ZPR1: variants seen among roughly 807,000 people sequenced by gnomAD.
ZPR1 encodes the protein ZPR1 zinc finger, also known as zinc finger protein ZPR1.
ZPR1 carries 37 observed loss-of-function variants against 59.6 expected under a neutral mutation model. That is an observed-to-expected ratio of 0.62 (90% CI 0.48 to 0.82). The LOEUF (loss-of-function observed/expected upper bound fraction) is 0.82, where lower values mean the gene tolerates loss of function less well. Ranked by LOEUF, ZPR1 falls within the 40% of genes least tolerant of loss-of-function variation. The probability of loss-of-function intolerance (pLI) is 0.00; values close to 1 mark genes in which losing one functional copy is unlikely to be tolerated. For missense variants in ZPR1, 527 were observed against 579.9 expected (o/e 0.91, Z 0.94); for synonymous variants, 191 against 215.2 (o/e 0.89, Z 0.99).
In ZPR1 at chr11:116,787,856, G is replaced by C; in HGVS notation, c.135C>G (p.Thr45=). 6.4e-7 allele frequency: 1 copy of C among 1,557,632 alleles called. No homozygotes were observed. ...ISAEDEEQQP[T]EIESLCMNCY... ...AGTTCATGCATAGCGACTCGATCTCGGTGGGCTGCTGCTCCTCGTCCTCGG... is the reference window on the plus strand; with the variant it reads ...AGTTCATGCATAGCGACTCGATCTCCGTGGGCTGCTGCTCCTCGTCCTCGG... The change falls in exon 1 of 14, where the codon ACC becomes ACG. Residue 45 remains threonine, a synonymous_variant. Transcript: ENST00000227322.
At chr11:116,783,396 G>A in intron 10 of ZPR1, 134 bp downstream of exon 10, 1 of 728,728 alleles carries the variant, frequency 1.4e-6, no homozygotes, top group Non-Finnish European at 2.4e-6. Flanking sequence ...CCTCTGCTCA[G>A]GGGTCCTCAA....
In ZPR1 at chr11:116,787,908, G is replaced by T. The variant is rs1381634811; in HGVS notation, c.83C>A (p.Pro28His). The part of the protein sequence containing the change: ...PSPAPAPPPA[P>H]DHLFRPISAE... The stretch of plus-strand genomic sequence containing the variant: ...GCTGATGGGCCGGAACAGGTGATCA[G>T]GGGCAGGCGGCGGGGCCGGGGCGGG... Residue 28 changes from proline (P) to histidine (H), a missense_variant, in exon 1 of 14, where the codon CCT (proline) becomes CAT (histidine). Transcript: ENST00000227322. 8 of 1,521,524 alleles carry T rather than the reference G, an allele frequency of 5.3e-6. No homozygotes were observed. Among genetic ancestry groups the T allele is most frequent in the Middle Eastern group, 4.7e-4 (2 of 4,286 alleles). 94.3% of individuals were successfully genotyped at this position (1,521,524 alleles called of 1,614,324 possible). A position where few individuals can be genotyped will look rare whatever the true frequency, so the allele number is the denominator to read the frequency against.
At chr11:116,781,936 C>T (rs547032333) in intron 12 of ZPR1, among the ~76,000 whole-genome samples, 3 of 151,390 alleles carry the variant, frequency 2.0e-5, no homozygotes, top group Admixed American at 1.3e-4. Context: ...CGCATGAACC[C>T]GGGAGGCAGA....
At position 116,782,140 on chromosome 11, in the gene ZPR1, T is replaced by C; in HGVS notation, c.1179+18A>G. 2 of 1,607,476 alleles carry C rather than the reference T, an allele frequency of 1.2e-6. No homozygotes were observed. The highest frequency in any genetic ancestry group is 1.7e-6 in the Non-Finnish European group (2 of 1,174,454). On this transcript the variant is annotated intron_variant, in intron 12 of 13. Coordinates refer to ENST00000227322, the MANE Select transcript of ZPR1 (RefSeq NM_003904.5). ...GAGCCCCAGGATTCTAAGTACTGAC[T>C]GGCCAGTGACCTCTTACCTGGTCCA...
At chr11:116,786,912 A>G (rs976576955) in intron 3 of ZPR1, 57 bp downstream of exon 3, 1 of 1,429,382 alleles carries the variant, frequency 7.0e-7, no homozygotes, top group African/African-American at 1.4e-5. Context: ...TTTGCAAGAA[A>G]GAGGGTAAGA....
chr11:116,784,989 T>A, intron 7 of ZPR1, 68 bp from the exon 8 acceptor site: 1 of 1,606,834 alleles, frequency 6.2e-7, no homozygotes, highest in Admixed American at 1.7e-5. Context: ...AGACACTCAG[T>A]TGGTATGCTA....
Position 116,775,754 on chromosome 11 carries a change from AC to A in ZPR1, c.*3170del, listed in dbSNP as rs1940715319. The A allele has an allele frequency of 1.2e-5, 2 of 166,234 alleles. No individual in the cohort carries two copies. Among genetic ancestry groups the A allele is most frequent in the African/African-American group, 4.9e-5 (2 of 41,174 alleles). 10.3% of individuals were successfully genotyped at this position (166,234 alleles called of 1,614,324 possible). On this transcript the variant is annotated 3_prime_UTR_variant, in exon 14 of 14. Transcript: ENST00000227322. ...TGTTTATCCTAATTATCCCCATTTT[AC>A]AGACTAGGAAAACAAGCATTGGAAG...
At position 116,778,754 on chromosome 11, in the gene ZPR1, A is replaced by T; in HGVS notation, c.*171T>A. 1.2e-6 allele frequency: 1 copy of T among 829,184 alleles called. No homozygotes were observed. Among genetic ancestry groups the T allele is most frequent in the Non-Finnish European group, 1.8e-6 (1 of 553,064 alleles). 51.4% of individuals were successfully genotyped at this position (829,184 alleles called of 1,614,324 possible). A position where few individuals can be genotyped will look rare whatever the true frequency, so the allele number is the denominator to read the frequency against. On this transcript the variant is annotated 3_prime_UTR_variant, in exon 14 of 14. Coordinates refer to ENST00000227322, the MANE Select transcript of ZPR1 (RefSeq NM_003904.5). ...AGTAACACAATAGGCTCACACTTGC[A>T]TCACAAGCTGTTTAGAAAGTGTGCA...
At chr11:116,782,442 G>A (rs1258623168) in intron 11 of ZPR1, among the ~76,000 whole-genome samples, 198 bp from the exon 12 acceptor site, 7 of 152,186 alleles carry the variant, frequency 4.6e-5, no homozygotes, top group Non-Finnish European at 7.3e-5. Flanking sequence ...AACTGGCAAT[G>A]TAAAACAAAA....
At chr11:116,782,048 A>C (rs1031849898) in intron 12 of ZPR1, 110 bp downstream of exon 12, 1 of 754,162 alleles carries the variant, frequency 1.3e-6, no homozygotes, top group African/African-American at 1.8e-5. Flanking sequence ...CAGAAGAAGA[A>C]TCCCCAACAT....
At chr11:116,780,761 A>G (rs1457077028) in intron 12 of ZPR1, among the ~76,000 whole-genome samples, 1 of 152,050 alleles carries the variant, frequency 6.6e-6, no homozygotes, top group East Asian at 1.9e-4. Context: ...AACAAGGCTC[A>G]CCCCCTACTC....
At chr11:116,784,620 TC>T in intron 8 of ZPR1, 172 bp from the exon 9 acceptor site, 1 of 812,882 alleles carries the variant, frequency 1.2e-6, no homozygotes, top group Non-Finnish European at 2.1e-6. Flanking sequence ...CCCATGGCAA[TC>T]CCTGTTCACA....
Position 116,774,621 on chromosome 11 carries a change from T to C in ZPR1, c.*4304A>G, listed in dbSNP as rs1177159604. The C allele has an allele frequency of 6.6e-6, 1 of 152,168 alleles. No individual in the cohort carries two copies. Among genetic ancestry groups the C allele is most frequent in the African/African-American group, 2.4e-5 (1 of 41,434 alleles). The allele number at this position is 152,168 out of a possible 1,614,324, so 9.4% of individuals were successfully genotyped here. A position where few individuals can be genotyped will look rare whatever the true frequency, so the allele number is the denominator to read the frequency against. Reference sequence around the variant, plus strand: ...GCATGAATTTTTACCCAGTGGGCCATGTTGAGGGGGTTGCAGCACAGGCCC... The same window carrying C: ...GCATGAATTTTTACCCAGTGGGCCACGTTGAGGGGGTTGCAGCACAGGCCC... On this transcript the variant is annotated 3_prime_UTR_variant, in exon 14 of 14. Coordinates refer to ENST00000227322, the MANE Select transcript of ZPR1 (RefSeq NM_003904.5).
Position 116,785,096 on chromosome 11 carries a change from C to T in ZPR1, c.753+3G>A. 4 of 1,614,134 alleles carry T rather than the reference C, an allele frequency of 2.5e-6. No homozygotes were observed. The highest frequency in any genetic ancestry group is 1.1e-5 in the South Asian group (1 of 91,064). ...TTCCTCACCAGTAGCCAATGTGACT[C>T]ACTTCATTTCTGAGATCTTCCTCTT... On this transcript the variant is annotated splice_donor_region_variant and intron_variant, in intron 7 of 13. Transcript: ENST00000227322.
chr11:116,784,159 C>G (rs1183932439), intron 9 of ZPR1, among the ~76,000 whole-genome samples: 1 of 152,152 alleles, frequency 6.6e-6, no homozygotes, highest in Non-Finnish European at 1.5e-5. Flanking sequence ...TATCATCAAC[C>G]TTTAATATGT....
In ZPR1 at chr11:116,777,325, T is replaced by C. The variant is rs1429788190; in HGVS notation, c.*1600A>G. The stretch of plus-strand genomic sequence containing the variant: ...AGTTTAACAGAGCAACGAGAGTAGA[T>C]GTCTGATTGCTAAATCATCTCTAAC... On this transcript the variant is annotated 3_prime_UTR_variant, in exon 14 of 14. Transcript: ENST00000227322. 3.3e-5 allele frequency: 5 copies of C among 152,364 alleles called. No individual in the cohort carries two copies. The highest frequency in any genetic ancestry group is 2.6e-4 in the Admixed American group (4 of 15,310). The allele number at this position is 152,364 out of a possible 1,614,324, so 9.4% of individuals were successfully genotyped here.
At chr11:116,787,255 A>G in intron 2 of ZPR1, 196 bp from the exon 3 acceptor site, 1 of 665,468 alleles carries the variant, frequency 1.5e-6, no homozygotes, top group Non-Finnish European at 2.6e-6. Flanking sequence ...AATACTATTC[A>G]TAACAACTAC....
intron 12 of ZPR1, among the ~76,000 whole-genome samples, chr11:116,780,377 T>C (rs1940788242): frequency 6.7e-6 from 1 of 150,024 alleles, no homozygotes; most frequent in Admixed American, 6.7e-5. Context: ...TTCCCACAGC[T>C]CTCAGAACAC....
In ZPR1 at chr11:116,781,332, G is replaced by A. The variant is rs551458318; in HGVS notation, c.1179+826C>T. Among the ~76,000 whole-genome samples, 5 of 152,258 alleles carry A rather than the reference G, an allele frequency of 3.3e-5. No homozygotes were observed. The South Asian group carries it at 1.0e-3, about 32-fold the overall frequency. Reference sequence around the variant, plus strand: ...ACATCTACCAAGTGCTTAGCCCAGTGGATGAAAACTGACCCACACCAAGGC... The same window carrying A: ...ACATCTACCAAGTGCTTAGCCCAGTAGATGAAAACTGACCCACACCAAGGC... On this transcript the variant is annotated intron_variant, in intron 12 of 13. Transcript: ENST00000227322.
Sources: allele counts gnomAD v4.1 joint callset (sites outside exome capture counted in the v4.1 genomes callset), GRCh38; gene constraint gnomAD v4.1.1; transcripts MANE v1.5; gene names NCBI Gene and HGNC (gene_info 2026-07-23, HGNC 2026-07-21).